The following ELAVL2 variants were observed in gnomAD, a reference collection of about 807,000 sequenced individuals.
The protein encoded by ELAVL2 is ELAV like RNA binding protein 2.
Under a neutral mutation model 34.6 loss-of-function variants are expected in ELAVL2, and 4 were observed. That is an observed-to-expected ratio of 0.12 (90% CI 0.06 to 0.26). The LOEUF (loss-of-function observed/expected upper bound fraction) is 0.26, where lower values mean the gene tolerates loss of function less well. Ranked by LOEUF, ELAVL2 falls within the 10% of genes least tolerant of loss-of-function variation. The probability of loss-of-function intolerance (pLI) is 1.00; values close to 1 mark genes in which losing one functional copy is unlikely to be tolerated. For missense variants in ELAVL2, 432 were observed against 442.8 expected (o/e 0.98, Z 0.22); for synonymous variants, 193 against 154.8 (o/e 1.25, Z -1.83).
intron 1 of ELAVL2, among the ~76,000 whole-genome samples, chr9:23,821,039 G>A (rs935663290): frequency 6.6e-6 from 1 of 152,202 alleles, no homozygotes; most frequent in Admixed American, 6.5e-5. Context: ...AACGCCCCGA[G>A]AGCTCCAAGG....
At chr9:23,791,686 CTT>C (rs1422173598) in intron 1 of ELAVL2, among the ~76,000 whole-genome samples, 1 of 152,198 alleles carries the variant, frequency 6.6e-6, no homozygotes, top group Non-Finnish European at 1.5e-5. Context: ...ATTTCTCCTT[CTT>C]TACATACCCA....
At chr9:23,718,127 G>C (rs902422590) in intron 3 of ELAVL2, among the ~76,000 whole-genome samples, 1 of 152,022 alleles carries the variant, frequency 6.6e-6, no homozygotes, top group Non-Finnish European at 1.5e-5. Flanking sequence ...GGGAAGTCTT[G>C]AACATAAAGT....
intron 6 of ELAVL2, 30 bp downstream of exon 6, chr9:23,693,418 A>T (rs749915789): frequency 1.2e-6 from 2 of 1,613,604 alleles, no homozygotes; most frequent in South Asian, 2.2e-5. Context: ...GTGGAAAGGG[A>T]TTATGAGTAT....
At chr9:23,822,630 C>G (rs1299205202) in intron 1 of ELAVL2, among the ~76,000 whole-genome samples, 1 of 152,234 alleles carries the variant, frequency 6.6e-6, no homozygotes, top group Non-Finnish European at 1.5e-5. Context: ...AGCCACGCGG[C>G]TGGAGCACGT....
At chr9:23,717,729 T>C (rs150164246) in intron 3 of ELAVL2, among the ~76,000 whole-genome samples, 29 of 152,306 alleles carry the variant, frequency 1.9e-4, no homozygotes, top group African/African-American at 6.3e-4. Context: ...ATCCAAATAA[T>C]GGTCATATAA....
chr9:23,758,191 A>G (rs1449378764), intron 2 of ELAVL2, among the ~76,000 whole-genome samples: 4 of 152,102 alleles, frequency 2.6e-5, no homozygotes, highest in Non-Finnish European at 5.9e-5. Flanking sequence ...GAGAAACTGC[A>G]CAAGACGGGT....
upstream of ELAVL2, among the ~76,000 whole-genome samples, chr9:23,826,900 C>T (rs779135624): frequency 2.0e-5 from 3 of 152,034 alleles, no homozygotes; most frequent in Non-Finnish European, 2.9e-5. Context: ...TTTTAATATA[C>T]GCATATTTCA....
At chr9:23,811,311 C>G (rs1355064739) in intron 1 of ELAVL2, among the ~76,000 whole-genome samples, 1 of 150,934 alleles carries the variant, frequency 6.6e-6, no homozygotes, top group Non-Finnish European at 1.5e-5. Context: ...AGCGTACAAG[C>G]TGTTCGATCA....
At chr9:23,822,058 C>A (rs1588860710) in intron 1 of ELAVL2, among the ~76,000 whole-genome samples, 1 of 152,140 alleles carries the variant, frequency 6.6e-6, no homozygotes, top group African/African-American at 2.4e-5. Flanking sequence ...TTTCTCTGGA[C>A]TCGGTGGAGA....
chr9:23,704,003 G>C (rs1471211365), intron 4 of ELAVL2, among the ~76,000 whole-genome samples: 1 of 152,052 alleles, frequency 6.6e-6, no homozygotes. Context: ...CATGATCTCA[G>C]CTCACCGTGA....
chr9:23,705,877 T>C (rs2039165896), intron 3 of ELAVL2, among the ~76,000 whole-genome samples: 1 of 152,188 alleles, frequency 6.6e-6, no homozygotes, highest in Non-Finnish European at 1.5e-5. Flanking sequence ...AATAGGGATT[T>C]AGGCCCAATC....
At chr9:23,708,478 C>T (rs945219246) in intron 3 of ELAVL2, among the ~76,000 whole-genome samples, 11 of 152,120 alleles carry the variant, frequency 7.2e-5, no homozygotes, top group African/African-American at 2.7e-4. Flanking sequence ...TCCTGGTCTC[C>T]TCATCCAGTT....
At chr9:23,749,693 C>T (rs750723370) in intron 2 of ELAVL2, among the ~76,000 whole-genome samples, 4 of 151,942 alleles carry the variant, frequency 2.6e-5, no homozygotes, top group Non-Finnish European at 5.9e-5. Flanking sequence ...TATTGTTAGC[C>T]TCCGGTGAAC....
At chr9:23,703,538 C>G (rs776318619) in intron 4 of ELAVL2, among the ~76,000 whole-genome samples, 43 of 152,166 alleles carry the variant, frequency 2.8e-4, no homozygotes, top group Non-Finnish European at 5.0e-4. Context: ...GCTCTCTCTA[C>G]TCAGAACTCT....
intron 1 of ELAVL2, among the ~76,000 whole-genome samples, chr9:23,797,313 ATATCATT>A (rs2137476751): frequency 6.6e-6 from 1 of 152,358 alleles, no homozygotes; most frequent in Non-Finnish European, 1.5e-5. Flanking sequence ...GGCTTTCTAA[ATATCATT>A]AAACTGATCT....
intron 1 of ELAVL2, among the ~76,000 whole-genome samples, chr9:23,769,270 G>A (rs1357311140): frequency 1.3e-5 from 2 of 152,144 alleles, no homozygotes; most frequent in Non-Finnish European, 1.5e-5. Flanking sequence ...TGGGGAACTT[G>A]CAGCAGGGAC....
At position 23,690,705 on chromosome 9, in the gene ELAVL2, T is replaced by C. The variant is rs539819062; in HGVS notation, c.*1852A>G. 3 of 152,720 alleles carry C rather than the reference T, an allele frequency of 2.0e-5. No homozygotes were observed. In the South Asian group the frequency reaches 6.2e-4, roughly 32 times the overall value. 9.5% of individuals were successfully genotyped at this position (152,720 alleles called of 1,614,324 possible). ...TACAACTATGTTATGCATAGCACAT[T>C]GCCTGTTCTAAGGGGAAGCATGTGA... is the stretch of plus-strand genomic sequence containing the variant. On this transcript the variant is annotated 3_prime_UTR_variant, in exon 7 of 7. Coordinates refer to ENST00000397312, the MANE Select transcript of ELAVL2 (RefSeq NM_004432.5).
chr9:23,718,377 T>G (rs563115608), intron 3 of ELAVL2, among the ~76,000 whole-genome samples: 1 of 152,320 alleles, frequency 6.6e-6, no homozygotes, highest in East Asian at 1.9e-4. Context: ...AGGGATCTAA[T>G]GTATGTATAC....
At chr9:23,764,866 T>C in intron 1 of ELAVL2, 1 of 785,616 alleles carries the variant, frequency 1.3e-6, no homozygotes, top group South Asian at 1.7e-5. Flanking sequence ...CTTTAAGTCC[T>C]AATGATGGCC....
Sources: allele counts gnomAD v4.1 joint callset (sites outside exome capture counted in the v4.1 genomes callset), GRCh38; gene constraint gnomAD v4.1.1; transcripts MANE v1.5; gene names NCBI Gene and HGNC (gene_info 2026-07-23, HGNC 2026-07-21).